Variants in NREP observed in about 807,000 individuals in gnomAD.
NREP encodes the protein neuronal regeneration related protein.
NREP carries 5 observed loss-of-function variants against 8.6 expected under a neutral mutation model. That is an observed-to-expected ratio of 0.58 (90% confidence interval 0.30 to 1.22). The LOEUF (loss-of-function observed/expected upper bound fraction) is 1.22. NREP is among the 50% of genes most tolerant of loss of function. NREP has a pLI of 0.07. For missense variants in NREP, 86 were observed against 82.5 expected, an observed-to-expected ratio of 1.04 and a Z score of -0.17; for synonymous variants, 27 against 28.0, an observed-to-expected ratio of 0.96 and a Z score of 0.11.
intron 2 of NREP, among the ~76,000 whole-genome samples, chr5:111,889,646 G>C (rs1367861620): frequency 1.3e-5 from 2 of 152,158 alleles, no homozygotes; most frequent in Non-Finnish European, 2.9e-5. Context: ...AGTCTATGAA[G>C]TCAAAACAAG....
At chr5:111,869,935 G>A (rs1407389961) in intron 2 of NREP, among the ~76,000 whole-genome samples, 1 of 152,146 alleles carries the variant, frequency 6.6e-6, no homozygotes, top group Admixed American at 6.5e-5. Flanking sequence ...AAGAGACATT[G>A]TACACACGTT....
chr5:111,861,311 T>C (rs1753538029), intron 2 of NREP, among the ~76,000 whole-genome samples: 1 of 152,132 alleles, frequency 6.6e-6, no homozygotes, highest in South Asian at 2.1e-4. Flanking sequence ...CCCAAATTAA[T>C]GCATGAAATG....
chr5:111,919,596 A>G (rs1219030527), intron 2 of NREP, among the ~76,000 whole-genome samples: 1 of 152,104 alleles, frequency 6.6e-6, no homozygotes, highest in Admixed American at 6.6e-5. Flanking sequence ...GCTGGAAACC[A>G]TAATTCTCAG....
At chr5:111,880,997 C>T (rs144418328) in intron 2 of NREP, among the ~76,000 whole-genome samples, 4,298 of 152,226 alleles carry the variant, frequency 0.028, 96 homozygotes, top group Non-Finnish European at 0.046. Flanking sequence ...TGCAGCGCAC[C>T]GTGCATGAGC....
chr5:111,964,885 A>T lies in NREP; in HGVS notation c.135+10389T>A, dbSNP rs1455611439. On this transcript the variant is annotated intron_variant, in intron 2 of 3. Transcript: ENST00000395634. ...AAAAAAAAAAAAAAAAAAAAAAAAAAAAAAAAAAAAGAAACCATGTAATTC... is the reference window on the plus strand; with the variant it reads ...AAAAAAAAAAAAAAAAAAAAAAAAATAAAAAAAAAAGAAACCATGTAATTC... Among the ~76,000 whole-genome samples the T allele has an allele frequency of 1.8e-3, 242 of 138,032 alleles. 1 individual carries two copies. Among genetic ancestry groups the T allele is most frequent in the South Asian group, 9.4e-3 (43 of 4,562 alleles). 90.6% of individuals were successfully genotyped at this position (138,032 alleles called of 152,430 possible). A position where few individuals can be genotyped will look rare whatever the true frequency, so the allele number is the denominator to read the frequency against.
At chr5:111,883,857 C>G (rs1371149201) in intron 2 of NREP, among the ~76,000 whole-genome samples, 1 of 151,820 alleles carries the variant, frequency 6.6e-6, no homozygotes, top group African/African-American at 2.4e-5. Context: ...ACTAAATGCC[C>G]ACAAGAGAAA....
intron 2 of NREP, among the ~76,000 whole-genome samples, chr5:111,894,165 G>A (rs1440387990): frequency 6.6e-6 from 1 of 152,054 alleles, no homozygotes; most frequent in Admixed American, 6.6e-5. Context: ...GTTGCAGTGA[G>A]CCGAGATCAC....
chr5:111,849,036 C>A (rs1753247735), intron 2 of NREP, among the ~76,000 whole-genome samples: 2 of 152,132 alleles, frequency 1.3e-5, no homozygotes, highest in African/African-American at 4.8e-5. Flanking sequence ...TTTGAGATTA[C>A]CTCTTTGCTC....
intron 2 of NREP, among the ~76,000 whole-genome samples, chr5:111,899,204 T>C (rs1055915545): frequency 3.3e-5 from 5 of 152,118 alleles, no homozygotes; most frequent in African/African-American, 1.2e-4. Context: ...AGTCAAATTT[T>C]ATTGCTACAA....
At chr5:111,878,185 T>A (rs1436416408) in intron 2 of NREP, among the ~76,000 whole-genome samples, 3 of 152,228 alleles carry the variant, frequency 2.0e-5, no homozygotes, top group African/African-American at 7.2e-5. Flanking sequence ...CATTTTCTGT[T>A]ATGTCTGCTA....
chr5:111,821,358 C>G (rs532239332), intron 2 of NREP, among the ~76,000 whole-genome samples: 1 of 150,332 alleles, frequency 6.7e-6, no homozygotes, highest in East Asian at 1.9e-4. Flanking sequence ...TTTTATCATT[C>G]CCTTCTTTAA....
intron 2 of NREP, among the ~76,000 whole-genome samples, chr5:111,766,811 G>A (rs1167061154): frequency 6.6e-6 from 1 of 152,184 alleles, no homozygotes; most frequent in East Asian, 1.9e-4. Flanking sequence ...CCCAAGAAAG[G>A]GTGGGTGAGT....
At chr5:111,847,500 T>G (rs1279196970) in intron 2 of NREP, among the ~76,000 whole-genome samples, 1 of 152,200 alleles carries the variant, frequency 6.6e-6, no homozygotes, top group East Asian at 1.9e-4. Context: ...TAGCACATAT[T>G]ACATTTAACA....
At chr5:111,737,732 A>T (rs995983891) in intron 2 of NREP, among the ~76,000 whole-genome samples, 4 of 149,916 alleles carry the variant, frequency 2.7e-5, no homozygotes, top group African/African-American at 9.8e-5. Context: ...AAAAAAAACA[A>T]AAACAAAAAC....
At chr5:111,801,596 G>A (rs1293178639) in intron 2 of NREP, among the ~76,000 whole-genome samples, 2 of 152,046 alleles carry the variant, frequency 1.3e-5, no homozygotes, top group Non-Finnish European at 2.9e-5. Context: ...AAAAACAGTT[G>A]AGCTAGTTTT....
chr5:111,959,053 A>G (rs1041594015), intron 2 of NREP, among the ~76,000 whole-genome samples: 1 of 152,020 alleles, frequency 6.6e-6, no homozygotes, highest in Non-Finnish European at 1.5e-5. Context: ...CAAGAAAAAA[A>G]TTAGATTGGT....
intron 3 of NREP, chr5:111,733,002 C>T (rs975644409): frequency 6.6e-6 from 1 of 152,128 alleles, no homozygotes; most frequent in Non-Finnish European, 1.5e-5. Flanking sequence ...CTTCTACCTC[C>T]ATGAAACATA....
chr5:111,942,243 AT>A (rs1334476844), intron 2 of NREP, among the ~76,000 whole-genome samples: 1 of 152,166 alleles, frequency 6.6e-6, no homozygotes, highest in South Asian at 2.1e-4. Context: ...ATTTTTTAAT[AT>A]TTTTATTTCG....
intron 2 of NREP, among the ~76,000 whole-genome samples, chr5:111,754,941 C>A (rs1055291868): frequency 6.6e-6 from 1 of 152,120 alleles, no homozygotes; most frequent in African/African-American, 2.4e-5. Flanking sequence ...TTCTAAGTGA[C>A]AAAGAGGTGT....
Sources: gnomAD v4.1 joint callset for allele counts (sites outside exome capture counted in the v4.1 genomes callset) on GRCh38, gnomAD v4.1.1 for gene constraint, MANE v1.5 for transcripts, NCBI Gene and HGNC (gene_info 2026-07-23, HGNC 2026-07-21) for gene names.